MLC1: variants seen among roughly 807,000 people sequenced by gnomAD.
MLC1 encodes the protein modulator of VRAC current 1.
In MLC1, 32 loss-of-function variants were observed where a neutral mutation model predicts 44.7. The observed-to-expected ratio is 0.72, with a 90% confidence interval of 0.54 to 0.96. The LOEUF is 0.96. MLC1 is among the 40% of genes least tolerant of loss of function. The pLI is 0.00. For missense variants in MLC1, 459 were observed against 492.2 expected (o/e 0.93, Z 0.64); for synonymous variants, 190 against 213.0 (o/e 0.89, Z 0.94).
At position 50,059,620 on chromosome 22, in the gene MLC1, G is replaced by C. The variant is rs41283487; in HGVS notation, c.*1963C>G. On this transcript the variant is annotated 3_prime_UTR_variant, in exon 12 of 12. Coordinates refer to ENST00000311597, the MANE Select transcript of MLC1 (RefSeq NM_015166.4). ...CAGCCCGCCCCGGGTCGTCCCTGTG[G>C]CTCCCACCCCATTCCCAGGAGCAGA... The C allele has an allele frequency of 0.042, 6,340 of 152,412 alleles. 187 individuals carry two copies. The highest frequency in any genetic ancestry group is 0.12 in the Middle Eastern group (34 of 294). 9.4% of individuals were successfully genotyped at this position (152,412 alleles called of 1,614,324 possible). A position where few individuals can be genotyped will look rare whatever the true frequency, so the allele number is the denominator to read the frequency against.
chr22:50,064,275 C>T lies in MLC1; in HGVS notation c.895-77G>A, dbSNP rs545800111. 37 of 1,522,280 alleles carry T rather than the reference C, an allele frequency of 2.4e-5. No homozygotes were observed. In the Admixed American group the frequency reaches 2.9e-4, roughly 12 times the overall value. 94.3% of individuals were successfully genotyped at this position (1,522,280 alleles called of 1,614,324 possible). A position where few individuals can be genotyped will look rare whatever the true frequency, so the allele number is the denominator to read the frequency against. On this transcript the variant is annotated intron_variant, in intron 10 of 11. Transcript: ENST00000311597. ...GGAGACCAAAGCTCCCTCGTGCCCA[C>T]GGCCTTCACAAAGAGCAGGTGCCAG...
intron 8 of MLC1, among the ~76,000 whole-genome samples, chr22:50,071,610 C>T (rs746023467): frequency 1.3e-5 from 2 of 152,166 alleles, no homozygotes; most frequent in Non-Finnish European, 2.9e-5. Context: ...TGGGGAGCCT[C>T]GGAGGAGACT....
chr22:50,074,249 G>T lies in MLC1; in HGVS notation c.681C>A (p.His227Gln). 2 of 1,614,008 alleles carry T rather than the reference G, an allele frequency of 1.2e-6. No homozygotes were observed. The highest frequency in any genetic ancestry group is 1.7e-6 in the Non-Finnish European group (2 of 1,179,990). ...GGATCCAAAAGAACGTCACTGAGAG[G>T]TGTGGGCCTGAAACTGAGTCATCCA... ...LNVDDSVSGP[H>Q]LSVTFFWILV... The change falls in exon 8 of 12, where the codon CAC (histidine) becomes CAA (glutamine). Residue 227 changes from histidine to glutamine, a missense_variant. By Grantham distance (24) the His-to-Gln change is conservative (BLOSUM62 0). Transcript: ENST00000311597.
rs761096481 is a variant in MLC1 at position 50,064,163 on chromosome 22, TAGCAGCAGC to T, written c.921_929del (p.Leu308_Leu310del). ...TGAGGCCGGCCTGCAGCAGGAGCACTAGCAGCAGCAGCAGCAGCAGCACATCGTAGGATG... is the reference window on the plus strand; with the variant it reads ...TGAGGCCGGCCTGCAGCAGGAGCACTAGCAGCAGCAGCACATCGTAGGATG... On this transcript the variant is annotated inframe_deletion, in exon 11 of 12. Coordinates refer to ENST00000311597, the MANE Select transcript of MLC1 (RefSeq NM_015166.4). The T allele has an allele frequency of 1.0e-5, 16 of 1,604,630 alleles. No individual in the cohort carries two copies. In the South Asian group the frequency reaches 1.3e-4, roughly 13 times the overall value.
chr22:50,074,674 C>T (rs1393960843), intron 7 of MLC1: 2 of 361,844 alleles, frequency 5.5e-6, no homozygotes. Context: ...GTGTGGCAGG[C>T]GGCGGTGCTC....
At position 50,083,386 on chromosome 22, in the gene MLC1, C is replaced by A. The variant is rs570832553; in HGVS notation, c.178-213G>T. Among the ~76,000 whole-genome samples, 6 of 152,264 alleles carry A rather than the reference C, an allele frequency of 3.9e-5. No homozygotes were observed. Among genetic ancestry groups the A allele is most frequent in the Admixed American group, 3.3e-4 (5 of 15,304 alleles). On this transcript the variant is annotated intron_variant, in intron 2 of 11. Transcript: ENST00000311597. This position sits in a 1 kb window ranked among gnomAD's most constrained non-coding sequence, Gnocchi z 4.6. ...GCCCAGGACATGGACCAGCCTCCCC[C>A]AGCCATGTCGGAGCATGGACCCCCC...
At chr22:50,075,616 G>A (rs931716453) in intron 7 of MLC1, among the ~76,000 whole-genome samples, 5 of 151,642 alleles carry the variant, frequency 3.3e-5, no homozygotes, top group Admixed American at 1.3e-4. Flanking sequence ...AGGCTGAGGC[G>A]GGAGAATCGC....
At chr22:50,066,220 T>C in intron 10 of MLC1, among the ~76,000 whole-genome samples, 1 of 140,522 alleles carries the variant, frequency 7.1e-6, no homozygotes. Context: ...GGTACATGGC[T>C]GGGCACAGTG....
At position 50,076,577 on chromosome 22, in the gene MLC1, G is replaced by A. The variant is rs9628322; in HGVS notation, c.597+264C>T. Among the ~76,000 whole-genome samples the A allele has an allele frequency of 0.023, 3,547 of 151,814 alleles. 135 individuals carry two copies. The highest frequency in any genetic ancestry group is 0.08 in the African/African-American group (3,320 of 41,404). On this transcript the variant is annotated intron_variant, in intron 7 of 11. Transcript: ENST00000311597. Reference sequence around the variant, plus strand: ...CTCAAAAAAAAAAAAAAAATTCCTCGGGGACAACAGTGTCAACTCACCTAC... The same window carrying A: ...CTCAAAAAAAAAAAAAAAATTCCTCAGGGACAACAGTGTCAACTCACCTAC...
chr22:50,080,240 CACA>C, intron 4 of MLC1, 101 bp downstream of exon 4: 1 of 1,432,032 alleles, frequency 7.0e-7, no homozygotes, highest in South Asian at 1.2e-5. Flanking sequence ...CTCTCGGTGC[CACA>C]ACGTCTGTGC....
chr22:50,060,201 C>T lies in MLC1; in HGVS notation c.*1382G>A, dbSNP rs2146728958. The T allele has an allele frequency of 6.6e-6, 1 of 152,470 alleles. No individual in the cohort carries two copies. The highest frequency in any genetic ancestry group is 2.1e-4 in the South Asian group (1 of 4,816). 9.4% of individuals were successfully genotyped at this position (152,470 alleles called of 1,614,324 possible). On this transcript the variant is annotated 3_prime_UTR_variant, in exon 12 of 12. Transcript: ENST00000311597. ...ACAAAACCATTGTGAAGGAAAACAC[C>T]TGCTGGAAAGTAATTATCAAAGTAA...
At chr22:50,074,651 T>G in intron 7 of MLC1, 1 of 380,020 alleles carries the variant, frequency 2.6e-6, no homozygotes, top group Non-Finnish European at 5.1e-6. Flanking sequence ...CAGACTCCCT[T>G]CCCTGTCTCA....
Position 50,059,747 on chromosome 22 carries a change from C to T in MLC1, c.*1836G>A, listed in dbSNP as rs11703598. The T allele has an allele frequency of 0.097, 14,823 of 152,446 alleles. 871 individuals are homozygous for T. The highest frequency in any genetic ancestry group is 0.13 in the Non-Finnish European group (8,921 of 68,074). The allele number at this position is 152,446 out of a possible 1,614,324, so 9.4% of individuals were successfully genotyped here. ...AGCAGCCTCTCCTCTCCCACGGTGGCGCTTGTTTGGGGCTGTGGCCAAAGT... is the reference window on the plus strand; with the variant it reads ...AGCAGCCTCTCCTCTCCCACGGTGGTGCTTGTTTGGGGCTGTGGCCAAAGT... On this transcript the variant is annotated 3_prime_UTR_variant, in exon 12 of 12. Coordinates refer to ENST00000311597, the MANE Select transcript of MLC1 (RefSeq NM_015166.4).
intron 4 of MLC1, 48 bp from the exon 5 acceptor site, chr22:50,080,067 A>G: frequency 2.8e-6 from 4 of 1,450,726 alleles, no homozygotes; most frequent in Non-Finnish European, 3.9e-6. Flanking sequence ...TAATAAAAGA[A>G]AAAAGGTAAC....
chr22:50,080,897 C>T (rs1410086559), intron 3 of MLC1, among the ~76,000 whole-genome samples: 1 of 151,998 alleles, frequency 6.6e-6, no homozygotes, highest in East Asian at 1.9e-4. Flanking sequence ...GTGGCTCACA[C>T]CTCTAGTCCC....
intron 10 of MLC1, 126 bp from the exon 11 acceptor site, chr22:50,064,324 C>T (rs1476749734): frequency 8.0e-6 from 9 of 1,121,490 alleles, no homozygotes; most frequent in Non-Finnish European, 1.2e-5. Flanking sequence ...GCCCCAGTAA[C>T]CCAAACGCAT....
intron 10 of MLC1, among the ~76,000 whole-genome samples, chr22:50,065,554 G>C (rs2061684613): frequency 6.6e-6 from 1 of 152,210 alleles, no homozygotes; most frequent in Non-Finnish European, 1.5e-5. Flanking sequence ...GCGGAAAATG[G>C]TCAGGAGACA....
At chr22:50,069,839 A>G (rs562771386) in intron 9 of MLC1, among the ~76,000 whole-genome samples, 122 of 152,254 alleles carry the variant, frequency 8.0e-4, no homozygotes, top group African/African-American at 2.8e-3. Flanking sequence ...TCACCTTGCA[A>G]AGCACTCAGG....
intron 1 of MLC1, 39 bp downstream of exon 1, chr22:50,085,316 A>G (rs28362607): frequency 0.011 from 6,933 of 613,078 alleles, 73 homozygotes; most frequent in East Asian, 0.071. Flanking sequence ...AGATTGCAAA[A>G]CATGCCTCTA....
Sources: gnomAD v4.1 joint callset for allele counts (sites outside exome capture counted in the v4.1 genomes callset) on GRCh38, gnomAD v4.1.1 for gene constraint, Gnocchi (gnomAD v3.1) non-coding constraint, MANE v1.5 for transcripts, NCBI Gene and HGNC (gene_info 2026-07-23, HGNC 2026-07-21) for gene names.